Variants in ERICH6B observed in about 807,000 individuals in gnomAD.
The protein encoded by ERICH6B is glutamate rich 6B.
Under a neutral mutation model 80.0 loss-of-function variants are expected in ERICH6B, and 69 were observed. The ratio of observed to expected loss-of-function variants is 0.86; its 90% CI spans 0.71 to 1.05. ERICH6B has a LOEUF of 1.05. Among genes scored for constraint, ERICH6B ranks in the 50% least tolerant of loss-of-function variants. The pLI is 0.00. For synonymous variants in ERICH6B, 283 were observed against 291.9 expected (o/e 0.97, Z 0.31); for missense variants, 754 against 796.1 (o/e 0.95, Z 0.64).
At chr13:45,602,473 A>G (rs1328333164) in intron 2 of ERICH6B, among the ~76,000 whole-genome samples, 1 of 152,120 alleles carries the variant, frequency 6.6e-6, no homozygotes, top group African/African-American at 2.4e-5. Context: ...TCTTGGTTTG[A>G]CTTCCACTCA....
chr13:45,575,761 C>T (rs879751240), intron 7 of ERICH6B, among the ~76,000 whole-genome samples: 5 of 152,102 alleles, frequency 3.3e-5, no homozygotes, highest in Admixed American at 6.5e-5. Context: ...TGGTGACTCT[C>T]GGGGCCAGGA....
At chr13:45,602,897 G>GAT (rs1289617210) in intron 2 of ERICH6B, among the ~76,000 whole-genome samples, 1 of 152,200 alleles carries the variant, frequency 6.6e-6, no homozygotes, top group Non-Finnish European at 1.5e-5. Flanking sequence ...GAACCAGTGG[G>GAT]ATATATATAG....
At chr13:45,551,429 C>G (rs1474953646) in intron 11 of ERICH6B, 1 of 152,154 alleles carries the variant, frequency 6.6e-6, no homozygotes, top group East Asian at 1.9e-4. Context: ...AGATCTTCCT[C>G]CTACTCCTCC....
chr13:45,602,051 T>A (rs1174014456), intron 2 of ERICH6B, among the ~76,000 whole-genome samples: 1 of 152,208 alleles, frequency 6.6e-6, no homozygotes, highest in East Asian at 1.9e-4. Context: ...AATCAGTTCA[T>A]GCCATGGGGA....
At chr13:45,579,302 CTG>C in intron 7 of ERICH6B, among the ~76,000 whole-genome samples, 1 of 152,060 alleles carries the variant, frequency 6.6e-6, no homozygotes. Context: ...TAAGCAGCTG[CTG>C]TGTGTGTGTA....
intron 1 of ERICH6B, among the ~76,000 whole-genome samples, chr13:45,610,502 A>G (rs908888401): frequency 6.6e-6 from 1 of 152,106 alleles, no homozygotes; most frequent in African/African-American, 2.4e-5. Context: ...ACTCTTTCTT[A>G]CTGCAGTGCC....
intron 5 of ERICH6B, among the ~76,000 whole-genome samples, chr13:45,581,480 C>G (rs1875665945): frequency 6.6e-6 from 1 of 152,118 alleles, no homozygotes; most frequent in South Asian, 2.1e-4. Context: ...AGGTTCAAGT[C>G]ATTCTCCTGC....
chr13:45,551,699 T>C (rs547242525), intron 11 of ERICH6B: 4 of 152,318 alleles, frequency 2.6e-5, no homozygotes, highest in African/African-American at 9.6e-5. Context: ...TGTTGGGAGA[T>C]GGAGCCTAAT....
At chr13:45,595,470 T>C in intron 3 of ERICH6B, among the ~76,000 whole-genome samples, 1 of 151,864 alleles carries the variant, frequency 6.6e-6, no homozygotes, top group Admixed American at 6.6e-5. Context: ...ATATAAAGCA[T>C]GATCCTTTTA....
chr13:45,596,520 C>T lies in ERICH6B; in HGVS notation c.486G>A (p.Ala162=), dbSNP rs374513715. ...IEEVDYLGKK[A]YLEEEEYLGK... ...CCAGATACTCCTCCTCCTCCAGATACGCTTTCTTCCCCAGATAATCTACCT... is the reference window on the plus strand; with the variant it reads ...CCAGATACTCCTCCTCCTCCAGATATGCTTTCTTCCCCAGATAATCTACCT... The change falls in exon 3 of 15, where the codon GCG becomes GCA. Residue 162 remains alanine, a synonymous_variant. Coordinates refer to ENST00000298738, the MANE Select transcript of ERICH6B (RefSeq NM_182542.3). 221 of 1,551,984 alleles carry T rather than the reference C, an allele frequency of 1.4e-4. No homozygotes were observed. The African/African-American group carries it at 2.1e-3, about 15-fold the overall frequency.
intron 7 of ERICH6B, among the ~76,000 whole-genome samples, chr13:45,578,388 TG>T (rs1566296280): frequency 6.6e-6 from 1 of 152,252 alleles, no homozygotes; most frequent in African/African-American, 2.4e-5. Flanking sequence ...CTGATTGCTG[TG>T]GTCTCTAAAC....
intron 1 of ERICH6B, among the ~76,000 whole-genome samples, chr13:45,614,238 C>G (rs1949915395): frequency 6.6e-6 from 1 of 152,158 alleles, no homozygotes; most frequent in Non-Finnish European, 1.5e-5. Context: ...CAAGTTTATT[C>G]ACTCATTAAA....
chr13:45,550,074 A>T (rs751833830), intron 12 of ERICH6B, 29 bp from the exon 13 acceptor site: 2 of 1,550,492 alleles, frequency 1.3e-6, no homozygotes, highest in South Asian at 1.2e-5. Context: ...ACAAGTAGTC[A>T]GTCCTTGGGG....
Position 45,596,706 on chromosome 13 carries a change from C to A in ERICH6B, c.300G>T (p.Lys100Asn). The A allele has an allele frequency of 6.4e-7, 1 of 1,551,930 alleles. No individual in the cohort carries two copies. ...ACTCTTCCTCCTCCAGATACCCTGC[C>A]TTCTCCAGATACTCTTCCTCCTCCA... ...EHLEEEEYLE[K>N]AGYLEEEEYI... The change falls in exon 3 of 15, where the codon AAG becomes AAT. Residue 100 changes from lysine to asparagine, a missense_variant. Transcript: ENST00000298738.
In ERICH6B at chr13:45,573,635, C is replaced by T. The variant is rs115895026; in HGVS notation, c.1050+1207G>A. ...TTAGTAGCAAAGTCCTGGAATGGCA[C>T]GGTGCTTGTGATGAGAGCTCCCCTG... On this transcript the variant is annotated intron_variant, in intron 8 of 14. Coordinates refer to ENST00000298738, the MANE Select transcript of ERICH6B (RefSeq NM_182542.3). Among the ~76,000 whole-genome samples, 268 of 152,294 alleles carry T rather than the reference C, an allele frequency of 1.8e-3. 2 individuals carry two copies. Among genetic ancestry groups the T allele is most frequent in the African/African-American group, 6.1e-3 (255 of 41,570 alleles).
chr13:45,595,073 CA>C (rs1273908467), intron 3 of ERICH6B, among the ~76,000 whole-genome samples: 1 of 152,134 alleles, frequency 6.6e-6, no homozygotes, highest in Non-Finnish European at 1.5e-5. Flanking sequence ...AAAATCACTC[CA>C]AAGTCAAATA....
intron 13 of ERICH6B, among the ~76,000 whole-genome samples, chr13:45,547,707 C>G (rs1874047534): frequency 6.6e-6 from 1 of 152,190 alleles, no homozygotes; most frequent in African/African-American, 2.4e-5. Context: ...CCACACATTG[C>G]ACTCAGGGAG....
At chr13:45,554,974 T>C (rs1874377395) in intron 11 of ERICH6B, among the ~76,000 whole-genome samples, 1 of 152,166 alleles carries the variant, frequency 6.6e-6, no homozygotes, top group African/African-American at 2.4e-5. Context: ...TCATGGGTGC[T>C]TGGTGCAGCC....
At chr13:45,566,572 G>C (rs964096176) in intron 9 of ERICH6B, among the ~76,000 whole-genome samples, 1 of 152,262 alleles carries the variant, frequency 6.6e-6, no homozygotes, top group Admixed American at 6.5e-5. Flanking sequence ...TGGCTTCAGA[G>C]GGTGTAAACC....
Sources: allele counts gnomAD v4.1 joint callset (sites outside exome capture counted in the v4.1 genomes callset), GRCh38; gene constraint gnomAD v4.1.1; transcripts MANE v1.5; gene names NCBI Gene and HGNC (gene_info 2026-07-23, HGNC 2026-07-21).